Variants in ZNF629 observed in about 807,000 individuals in gnomAD.
ZNF629 encodes the protein DNA-binding protein.
Under a neutral mutation model 59.7 loss-of-function variants are expected in ZNF629, and 9 were observed. The observed-to-expected ratio is 0.15, with a 90% CI of 0.09 to 0.26. ZNF629 has a LOEUF of 0.26. Ranked by LOEUF, ZNF629 falls within the 10% of genes least tolerant of loss-of-function variation. ZNF629 has a pLI of 1.00. For missense variants in ZNF629, 853 were observed against 1,165.4 expected, an observed-to-expected ratio of 0.73 and a Z score of 3.90; for synonymous variants, 509 against 498.9, an observed-to-expected ratio of 1.02 and a Z score of -0.27.
rs958753635 is a variant in ZNF629, at chr16:30,781,203, T to G, written c.*515A>C. 2 of 152,380 alleles carry G rather than the reference T, an allele frequency of 1.3e-5. No individual in the cohort carries two copies. The highest frequency in any genetic ancestry group is 4.8e-5 in the African/African-American group (2 of 41,420). 9.4% of individuals were successfully genotyped at this position (152,380 alleles called of 1,614,324 possible). On this transcript the variant is annotated 3_prime_UTR_variant, in exon 3 of 3. Coordinates refer to ENST00000262525, the MANE Select transcript of ZNF629 (RefSeq NM_001080417.3). Reference sequence around the variant, plus strand: ...CACACCACTCCCCCAGCTGAGCATCTTCCTCCATGAGAACTGTCCAGGGCT... The same window carrying G: ...CACACCACTCCCCCAGCTGAGCATCGTCCTCCATGAGAACTGTCCAGGGCT...
In ZNF629 at chr16:30,786,623, C is replaced by T. The variant is rs1346511936; in HGVS notation, c.-34+405G>A. On this transcript the variant is annotated intron_variant, in intron 1 of 2. Transcript: ENST00000262525. The surrounding 1 kb of genome is among the most constrained non-coding windows in gnomAD (Gnocchi z 4.8). ...GGAATGCGGCCGCCCGGCCCGGCCC[C>T]CCCACCGCTTGGCTCCGGACTTCTG... Among the ~76,000 whole-genome samples the T allele has an allele frequency of 6.6e-6, 1 of 151,904 alleles. No individual in the cohort carries two copies. The highest frequency in any genetic ancestry group is 6.5e-5 in the Admixed American group (1 of 15,282).
In ZNF629 at chr16:30,784,141, G is replaced by A; in HGVS notation, c.187C>T (p.Leu63=). 1 of 1,609,682 alleles carries A rather than the reference G, an allele frequency of 6.2e-7. No homozygotes were observed. Among genetic ancestry groups the A allele is most frequent in the Middle Eastern group, 1.7e-4 (1 of 6,010 alleles). Residue 63 remains leucine (L), a synonymous_variant, in exon 3 of 3, where the codon CTG becomes TTG. Transcript: ENST00000262525. ...GAGGGGTCCTGGGAGGATCTCTCCA[G>A]GGACATCTCTGTTGAGTCCTTGGAT... The part of the protein sequence containing the change: ...PESKDSTEMS[L]ERSSQDPSVP...
chr16:30,783,897 G>T lies in ZNF629; in HGVS notation c.431C>A (p.Ala144Glu). ...GCAGATGTAGGGCTTCTCCGCCCCC[G>T]CCGGGCGGCCCTGCACCAGCTCCCG... The part of the protein sequence containing the change: ...SLRELVQGRP[A>E]GAEKPYICNE... Residue 144 changes from alanine to glutamate, a missense_variant, in exon 3 of 3, where the codon GCG (alanine) becomes GAG (glutamate). By Grantham distance (107) the Ala-to-Glu change is moderately radical. Transcript: ENST00000262525. 3 of 1,597,404 alleles carry T rather than the reference G, an allele frequency of 1.9e-6. No individual in the cohort carries two copies. Among genetic ancestry groups the T allele is most frequent in the Non-Finnish European group, 2.6e-6 (3 of 1,171,054 alleles).
At chr16:30,785,064 C>T (rs8048656) in intron 1 of ZNF629, among the ~76,000 whole-genome samples, 148,197 of 152,254 alleles carry the variant, frequency 0.97, 72,226 homozygotes, top group Middle Eastern at 1. Flanking sequence ...TGGGGCACTT[C>T]CCTGTTATCC....
chr16:30,786,916 G>C lies in ZNF629; in HGVS notation c.-34+112C>G, dbSNP rs890443704. On this transcript the variant is annotated intron_variant, in intron 1 of 2. Coordinates refer to ENST00000262525, the MANE Select transcript of ZNF629 (RefSeq NM_001080417.3). This position sits in a 1 kb window ranked among gnomAD's most constrained non-coding sequence, Gnocchi z 4.8. ...CCCGGCCACAGCCCCGGGCGCGGGT[G>C]GGGGGCTCAGGCCCGGGCTCCCGGC... 3.3e-5 allele frequency: 5 copies of C among 151,806 alleles called. No homozygotes were observed. Among genetic ancestry groups the C allele is most frequent in the Non-Finnish European group, 5.9e-5 (4 of 67,882 alleles). The allele number at this position is 151,806 out of a possible 1,614,324, so 9.4% of individuals were successfully genotyped here.
At position 30,781,701 on chromosome 16, in the gene ZNF629, TG is replaced by T; in HGVS notation, c.*16del. On this transcript the variant is annotated 3_prime_UTR_variant, in exon 3 of 3. Transcript: ENST00000262525. ...TCCTCTCTGGAGAGAGCGAGGCCCC[TG>T]GTCTCCAGACCCATTTCACAGGGAG... 1.9e-6 allele frequency: 3 copies of T among 1,584,526 alleles called. No homozygotes were observed. The highest frequency in any genetic ancestry group is 2.6e-6 in the Non-Finnish European group (3 of 1,166,326).
Position 30,783,388 on chromosome 16 carries a change from C to T in ZNF629, c.940G>A (p.Gly314Ser). 1 of 1,613,120 alleles carries T rather than the reference C, an allele frequency of 6.2e-7. No homozygotes were observed. The highest frequency in any genetic ancestry group is 8.5e-7 in the Non-Finnish European group (1 of 1,179,784). The change falls in exon 3 of 3, where the codon GGC becomes AGC. Residue 314 changes from glycine to serine, a missense_variant. Gly to Ser is a moderately conservative substitution (Grantham distance 56). Around this residue, in one of 3 missense-constraint regions of ZNF629, gnomAD observed 201 missense variants for 536.5 expected, o/e 0.37. Transcript: ENST00000262525. Reference sequence around the variant, plus strand: ...TCGGTGCAGCGGTATGGCTTCTCGCCCGCGTGGATCTTCTGGTGCTTGAGG... The same window carrying T: ...TCGGTGCAGCGGTATGGCTTCTCGCTCGCGTGGATCTTCTGGTGCTTGAGG... ...NLLKHQKIHA[G>S]EKPYRCTECG...
chr16:30,781,502 C>A lies in ZNF629; in HGVS notation c.*216G>T. ...CATATTTATAGGGTTTCTAACCCAACAGTTTTTCTCTACTGCCTTATAAGT... is the reference window on the plus strand; with the variant it reads ...CATATTTATAGGGTTTCTAACCCAAAAGTTTTTCTCTACTGCCTTATAAGT... On this transcript the variant is annotated 3_prime_UTR_variant, in exon 3 of 3. Coordinates refer to ENST00000262525, the MANE Select transcript of ZNF629 (RefSeq NM_001080417.3). 2.5e-6 allele frequency: 1 copy of A among 406,202 alleles called. No homozygotes were observed. Among genetic ancestry groups the A allele is most frequent in the Non-Finnish European group, 4.3e-6 (1 of 232,468 alleles). The allele number at this position is 406,202 out of a possible 1,614,324, so 25.2% of individuals were successfully genotyped here. A position where few individuals can be genotyped will look rare whatever the true frequency, so the allele number is the denominator to read the frequency against.
At position 30,786,227 on chromosome 16, in the gene ZNF629, C is replaced by A. The variant is rs936944846; in HGVS notation, c.-34+801G>T. 1.3e-5 allele frequency among the ~76,000 whole-genome samples: 2 copies of A among 152,154 alleles called. No individual in the cohort carries two copies. Among genetic ancestry groups the A allele is most frequent in the Non-Finnish European group, 2.9e-5 (2 of 68,010 alleles). On this transcript the variant is annotated intron_variant, in intron 1 of 2. Transcript: ENST00000262525. This position sits in a 1 kb window ranked among gnomAD's most constrained non-coding sequence, Gnocchi z 4.8. The stretch of plus-strand genomic sequence containing the variant: ...GCAGCTACTTAAGCTCCGAGAATCC[C>A]CCCTCCCCGCCTGTAAGTGTCTTTG...
At chr16:30,784,641 AC>A in intron 1 of ZNF629, 126 bp from the exon 2 acceptor site, 1 of 688,218 alleles carries the variant, frequency 1.5e-6, no homozygotes, top group Non-Finnish European at 2.2e-6. Context: ...GTGTCCTCCC[AC>A]CCCATTTTTC....
rs753600241 is a variant in ZNF629 at position 30,781,975 on chromosome 16, G to A, written c.2353C>T (p.Arg785Trp). Reference sequence around the variant, plus strand: ...TCCTGGGTGTGGGTTTCTTGGTGCCGGGTGAGGGCCACGCGGTCGAGGAAG... The same window carrying A: ...TCCTGGGTGTGGGTTTCTTGGTGCCAGGTGAGGGCCACGCGGTCGAGGAAG... The part of the protein sequence containing the change: ...ASFLDRVALT[R>W]HQETHTQEKP... The change falls in exon 3 of 3, where the codon CGG (arginine) becomes TGG (tryptophan). Residue 785 changes from arginine (R) to tryptophan (W), a missense_variant. Arg to Trp is a moderately radical substitution (Grantham distance 101, BLOSUM62 -3). Around this residue, in one of 3 missense-constraint regions of ZNF629, gnomAD observed 420 missense variants for 435.6 expected, o/e 0.96. Coordinates refer to ENST00000262525, the MANE Select transcript of ZNF629 (RefSeq NM_001080417.3). 38 of 1,555,676 alleles carry A rather than the reference G, an allele frequency of 2.4e-5. No homozygotes were observed. The highest frequency in any genetic ancestry group is 1.4e-4 in the Admixed American group (7 of 50,634).
rs1175460189 is a variant in ZNF629 at position 30,784,103 on chromosome 16, G to A, written c.225C>T (p.Asn75=). Residue 75 remains asparagine, a synonymous_variant, in exon 3 of 3, where the codon AAC becomes AAT. Transcript: ENST00000262525. ...TGGAGTGACCCAGTGGGGTTGGGGG[G>A]TTCTGGGGGACAGAGGGGTCCTGGG... ...RSSQDPSVPQ[N]PPTPLGHSNP... 1 of 1,604,342 alleles carries A rather than the reference G, an allele frequency of 6.2e-7. No homozygotes were observed. The highest frequency in any genetic ancestry group is 8.5e-7 in the Non-Finnish European group (1 of 1,177,406).
At position 30,781,942 on chromosome 16, in the gene ZNF629, G is replaced by C; in HGVS notation, c.2386C>G (p.Pro796Ala). The change falls in exon 3 of 3, where the codon CCC becomes GCC. Residue 796 changes from proline to alanine, a missense_variant. Physicochemically the swap from Pro to Ala is conservative, Grantham distance 27. Transcript: ENST00000262525. ...HQETHTQEKP[P>A]NPEDPPPEAV... is the part of the protein sequence containing the mutation. ...TCTGGAGGGGGGTCCTCGGGATTGG[G>C]GGGTTTTTCCTGGGTGTGGGTTTCT... 6.5e-7 allele frequency: 1 copy of C among 1,540,296 alleles called. No individual in the cohort carries two copies. Among genetic ancestry groups the C allele is most frequent in the Non-Finnish European group, 8.7e-7 (1 of 1,145,310 alleles).
Position 30,784,181 on chromosome 16 carries a change from C to A in ZNF629, c.147G>T (p.Pro49=), listed in dbSNP as rs752713863. The A allele has an allele frequency of 6.2e-7, 1 of 1,609,518 alleles. No individual in the cohort carries two copies. Among genetic ancestry groups the A allele is most frequent in the African/African-American group, 1.3e-5 (1 of 74,972 alleles). The change falls in exon 3 of 3, where the codon CCG becomes CCT. Residue 49 remains proline (P), a synonymous_variant. Transcript: ENST00000262525. ...AGTCCTTGGATTCTGGACTCTGAGC[C>A]GGGTCTCCCATGATGATCTCCTCCC... The part of the protein sequence containing the change: ...SSGEEIIMGD[P]AQSPESKDST...
chr16:30,778,525 A>G lies in ZNF629; in HGVS notation c.*3193T>C, dbSNP rs1235976340. 1 of 152,730 alleles carries G rather than the reference A, an allele frequency of 6.5e-6. No homozygotes were observed. The highest frequency in any genetic ancestry group is 2.4e-5 in the African/African-American group (1 of 41,452). 9.5% of individuals were successfully genotyped at this position (152,730 alleles called of 1,614,324 possible). ...CCAGTGACACAACACTGTTTTGGAC[A>G]CACAACACTCAAAAATGGGGCCTCT... On this transcript the variant is annotated 3_prime_UTR_variant, in exon 3 of 3. Coordinates refer to ENST00000262525, the MANE Select transcript of ZNF629 (RefSeq NM_001080417.3).
At position 30,782,892 on chromosome 16, in the gene ZNF629, G is replaced by C; in HGVS notation, c.1436C>G (p.Thr479Arg). ...CTTGTAGGGCTTCTCGCCGGTGTGC[G>C]TGCGGCGGTGCTGGATAAGGTGGGA... ...RSSHLIQHRR[T>R]HTGEKPYKCP... Residue 479 changes from threonine to arginine, a missense_variant, in exon 3 of 3, where the codon ACG (threonine) becomes AGG (arginine). By Grantham distance (71) the Thr-to-Arg change is moderately conservative. Transcript: ENST00000262525. The C allele has an allele frequency of 6.2e-7, 1 of 1,613,892 alleles. No homozygotes were observed. The highest frequency in any genetic ancestry group is 8.5e-7 in the Non-Finnish European group (1 of 1,179,930).
intron 1 of ZNF629, among the ~76,000 whole-genome samples, chr16:30,785,663 TC>T (rs1303755905): frequency 6.6e-6 from 1 of 151,944 alleles, no homozygotes; most frequent in African/African-American, 2.4e-5. Context: ...CTCCTTCTAC[TC>T]CTTTTGTCCT....
At position 30,784,434 on chromosome 16, in the gene ZNF629, G is replaced by A. The variant is rs1396090250; in HGVS notation, c.49C>T (p.Gln17Ter). 1 of 1,568,014 alleles carries A rather than the reference G, an allele frequency of 6.4e-7. No homozygotes were observed. Among genetic ancestry groups the A allele is most frequent in the Non-Finnish European group, 8.6e-7 (1 of 1,158,892 alleles). The change falls in exon 2 of 3, where the codon CAG becomes TAG. Residue 17 changes from glutamine (Q) to a stop codon, truncating the protein, a stop_gained. Transcript: ENST00000262525. LOFTEE classifies it high-confidence loss of function. ...LWGPDLQGPE[Q>*]SPNDAHRGAE... Reference sequence around the variant, plus strand: ...CCTCTGTGAGCATCGTTGGGGCTCTGTTCCGGACCCTGCAGATCCGGGCCC... The same window carrying A: ...CCTCTGTGAGCATCGTTGGGGCTCTATTCCGGACCCTGCAGATCCGGGCCC...
At position 30,786,710 on chromosome 16, in the gene ZNF629, C is replaced by G. The variant is rs977105338; in HGVS notation, c.-34+318G>C. Among the ~76,000 whole-genome samples, 2 of 152,046 alleles carry G rather than the reference C, an allele frequency of 1.3e-5. No individual in the cohort carries two copies. Among genetic ancestry groups the G allele is most frequent in the Non-Finnish European group, 2.9e-5 (2 of 67,944 alleles). ...ACAGAGCCTGGGCATCCGCCCCTGC[C>G]CCGGCCCCCGGGGTCCCGGCTCCTT... On this transcript the variant is annotated intron_variant, in intron 1 of 2. Coordinates refer to ENST00000262525, the MANE Select transcript of ZNF629 (RefSeq NM_001080417.3). This position sits in a 1 kb window ranked among gnomAD's most constrained non-coding sequence, Gnocchi z 4.8.
Sources: allele counts gnomAD v4.1 joint callset (sites outside exome capture counted in the v4.1 genomes callset), GRCh38; gene constraint gnomAD v4.1.1; regional missense constraint gnomAD v4.1.1; non-coding constraint Gnocchi (gnomAD v3.1); transcripts MANE v1.5; gene names NCBI Gene and HGNC (gene_info 2026-07-23, HGNC 2026-07-21).